Variants in WWTR1 observed in about 807,000 individuals in gnomAD.
The protein encoded by WWTR1 is WW domain-containing transcription regulator protein 1.
In WWTR1, 13 loss-of-function variants were observed where a neutral mutation model predicts 40.1. The ratio of observed to expected loss-of-function variants is 0.32; its 90% CI spans 0.21 to 0.52. WWTR1 has a LOEUF of 0.52. Ranked by LOEUF, WWTR1 falls within the 20% of genes least tolerant of loss-of-function variation. WWTR1 has a pLI of 0.97. For synonymous variants in WWTR1, 230 were observed against 210.1 expected (o/e 1.09, Z -0.82); for missense variants, 436 against 523.1 (o/e 0.83, Z 1.63).
chr3:149,572,174 T>C (rs1737666190), intron 3 of WWTR1, among the ~76,000 whole-genome samples: 1 of 152,114 alleles, frequency 6.6e-6, no homozygotes, highest in African/African-American at 2.4e-5. Context: ...TTTCGGAAAG[T>C]TTCTTCATGT....
At chr3:149,561,562 G>A (rs968319806) in intron 3 of WWTR1, among the ~76,000 whole-genome samples, 1 of 152,144 alleles carries the variant, frequency 6.6e-6, no homozygotes, top group Non-Finnish European at 1.5e-5. Flanking sequence ...TACATAAACA[G>A]CATATGGCAC....
intron 4 of WWTR1, among the ~76,000 whole-genome samples, chr3:149,531,976 C>T (rs1167640178): frequency 6.6e-6 from 1 of 152,180 alleles, no homozygotes. Context: ...CAGGCTCCAT[C>T]CTCAAGAAAT....
At chr3:149,587,511 A>C (rs574164423) in intron 2 of WWTR1, among the ~76,000 whole-genome samples, 2 of 152,314 alleles carry the variant, frequency 1.3e-5, no homozygotes, top group Admixed American at 6.5e-5. Flanking sequence ...GGTGTAATAC[A>C]AACATTTCTG....
At chr3:149,720,292 T>C (rs1715724608) in intron 4 of WWTR1, among the ~76,000 whole-genome samples, 1 of 152,214 alleles carries the variant, frequency 6.6e-6, no homozygotes, top group African/African-American at 2.4e-5. Context: ...AGCTAAATTA[T>C]GCGTATGGTA....
intron 2 of WWTR1, among the ~76,000 whole-genome samples, chr3:149,584,167 T>C (rs1348143915): frequency 2.0e-5 from 3 of 152,220 alleles, no homozygotes; most frequent in Non-Finnish European, 2.9e-5. Flanking sequence ...ACTCCAAATG[T>C]GAAATATGTC....
upstream of WWTR1, among the ~76,000 whole-genome samples, chr3:149,704,648 C>G (rs1244740112): frequency 1.3e-5 from 2 of 151,790 alleles, no homozygotes; most frequent in African/African-American, 4.8e-5. Flanking sequence ...TTGCTCAGAC[C>G]AAGAAAAAAG....
intron 2 of WWTR1, among the ~76,000 whole-genome samples, chr3:149,669,497 A>C (rs1713981741): frequency 6.6e-6 from 1 of 152,258 alleles, no homozygotes; most frequent in South Asian, 2.1e-4. Context: ...TAAAGAAGAC[A>C]AACAAGGTCC....
At chr3:149,664,657 C>A (rs1713729459) in intron 2 of WWTR1, among the ~76,000 whole-genome samples, 1 of 150,354 alleles carries the variant, frequency 6.7e-6, no homozygotes, top group African/African-American at 2.5e-5. Flanking sequence ...GGCGCCATCT[C>A]GGCTCACCGC....
In WWTR1 at chr3:149,525,078, C is replaced by G. The variant is rs549305419; in HGVS notation, c.1018+935G>C. Among the ~76,000 whole-genome samples, 110 of 152,244 alleles carry G rather than the reference C, an allele frequency of 7.2e-4. 1 individual carries two copies. The South Asian group carries it at 0.022, about 30-fold the overall frequency. Reference sequence around the variant, plus strand: ...GAGAAAAAGAAAGGTAATCGGGAAGCCTGGTGAGGCTGGACCTGAAGGATG... The same window carrying G: ...GAGAAAAAGAAAGGTAATCGGGAAGGCTGGTGAGGCTGGACCTGAAGGATG... On this transcript the variant is annotated intron_variant, in intron 6 of 6. Transcript: ENST00000360632.
chr3:149,641,260 G>A lies in WWTR1; in HGVS notation c.431+15616C>T, dbSNP rs185949148. The stretch of plus-strand genomic sequence containing the variant: ...CAGTTTACACCTCCACACTTACTTG[G>A]AAGTTTATAATGCTTGTTTTCAGCA... On this transcript the variant is annotated intron_variant, in intron 2 of 6. Coordinates refer to ENST00000360632, the MANE Select transcript of WWTR1 (RefSeq NM_015472.6). Among the ~76,000 whole-genome samples the A allele has an allele frequency of 1.5e-3, 231 of 152,214 alleles. 1 individual carries two copies. The highest frequency in any genetic ancestry group is 2.5e-3 in the Admixed American group (38 of 15,290).
intron 5 of WWTR1, among the ~76,000 whole-genome samples, chr3:149,716,200 T>C (rs1299824572): frequency 1.3e-5 from 2 of 152,040 alleles, no homozygotes; most frequent in Non-Finnish European, 2.9e-5. Context: ...CTGGCCAACA[T>C]GGTAAAACCC....
intron 2 of WWTR1, among the ~76,000 whole-genome samples, chr3:149,628,284 G>A (rs1740675070): frequency 6.6e-6 from 1 of 152,142 alleles, no homozygotes; most frequent in Admixed American, 6.5e-5. Flanking sequence ...GCAGGAGAAT[G>A]GTGTGGACCC....
At chr3:149,642,570 T>C (rs1712237629) in intron 2 of WWTR1, among the ~76,000 whole-genome samples, 1 of 151,394 alleles carries the variant, frequency 6.6e-6, no homozygotes, top group Non-Finnish European at 1.5e-5. Context: ...GGTCAGGAGA[T>C]CGAGACCATC....
chr3:149,521,013 A>G (rs1735020698), intron 6 of WWTR1, 24 bp from the exon 7 acceptor site: 1 of 1,551,266 alleles, frequency 6.4e-7, no homozygotes, highest in Non-Finnish European at 8.7e-7. Flanking sequence ...AAAAGAAACC[A>G]TTTTAATTCC....
At chr3:149,660,965 AC>A (rs1170497584), upstream of WWTR1, 1 of 152,130 alleles carries the variant, frequency 6.6e-6, no homozygotes, top group Non-Finnish European at 1.5e-5. Flanking sequence ...TTATACCTTT[AC>A]GTAGCCCCTT....
At chr3:149,637,479 C>T (rs1711897493) in intron 2 of WWTR1, among the ~76,000 whole-genome samples, 1 of 152,076 alleles carries the variant, frequency 6.6e-6, no homozygotes, top group African/African-American at 2.4e-5. Context: ...AATCCACCCA[C>T]CTCGGCCTCC....
rs1479605230 is a variant in WWTR1 at position 149,550,778 on chromosome 3, C to CAAGA, written c.569-8242_569-8241insTCTT. Among the ~76,000 whole-genome samples, 5 of 113,980 alleles carry CAAGA rather than the reference C, an allele frequency of 4.4e-5. 1 individual carries two copies. Among genetic ancestry groups the CAAGA allele is most frequent in the Admixed American group, 8.5e-5 (1 of 11,834 alleles). The allele number at this position is 113,980 out of a possible 152,430, so 74.8% of individuals were successfully genotyped here. ...TTATAAAAGACTGCTTGAATATCTGCTGACATTTTCCATAAGCACGTGATG... is the reference window on the plus strand; with the variant it reads ...TTATAAAAGACTGCTTGAATATCTGCAAGATGACATTTTCCATAAGCACGTGATG... On this transcript the variant is annotated intron_variant, in intron 3 of 6. Transcript: ENST00000360632.
intron 3 of WWTR1, among the ~76,000 whole-genome samples, chr3:149,559,919 C>A (rs538097013): frequency 6.2e-4 from 95 of 152,204 alleles, no homozygotes; most frequent in Non-Finnish European, 4.1e-4. Context: ...AAAGAGCTAC[C>A]CCAACAGACC....
chr3:149,568,523 C>A (rs1275571612), intron 3 of WWTR1, among the ~76,000 whole-genome samples: 1 of 64,804 alleles, frequency 1.5e-5, no homozygotes. Flanking sequence ...AATTAAAGTG[C>A]AAAAAAAAAA....
Sources: gnomAD v4.1 joint callset for allele counts (sites outside exome capture counted in the v4.1 genomes callset) on GRCh38, gnomAD v4.1.1 for gene constraint, MANE v1.5 for transcripts, NCBI Gene and HGNC (gene_info 2026-07-23, HGNC 2026-07-21) for gene names.